Variants in XKR4 observed in about 807,000 individuals in gnomAD.
The protein encoded by XKR4 is XK-related protein 4.
Under a neutral mutation model 53.9 loss-of-function variants are expected in XKR4, and 12 were observed. That is an observed-to-expected ratio of 0.22 (90% CI 0.14 to 0.36). The LOEUF is 0.36. XKR4 is among the 10% of genes least tolerant of loss of function. The pLI is 1.00. For synonymous variants in XKR4, 354 were observed against 362.4 expected, an observed-to-expected ratio of 0.98 and a Z score of 0.26; for missense variants, 799 against 859.5, an observed-to-expected ratio of 0.93 and a Z score of 0.88.
Position 55,337,167 on chromosome 8 carries a change from G to T in XKR4, c.807-20511G>T, listed in dbSNP as rs897160057. ...GAAACAGCAGATGGGGAGCCAATTT[G>T]GTCTCATCACTAAAAAGGGCCCTAG... On this transcript the variant is annotated intron_variant, in intron 1 of 2. Transcript: ENST00000327381. Among the ~76,000 whole-genome samples the T allele has an allele frequency of 5.3e-5, 8 of 152,122 alleles. No individual in the cohort carries two copies. In the East Asian group the frequency reaches 1.4e-3, roughly 26 times the overall value.
chr8:55,217,738 T>TTAGATAGATAGATAGA (rs71256520), intron 1 of XKR4, among the ~76,000 whole-genome samples: 4 of 149,362 alleles, frequency 2.7e-5, no homozygotes, highest in East Asian at 2.0e-4. Flanking sequence ...GGAAGACAGA[T>TTAGATAGATAGATAGA]TAGATAGATA....
intron 2 of XKR4, among the ~76,000 whole-genome samples, chr8:55,408,057 A>G (rs1041528004): frequency 6.6e-6 from 1 of 152,216 alleles, no homozygotes; most frequent in African/African-American, 2.4e-5. Flanking sequence ...GTGGAGCGAC[A>G]TCCCAGTGCT....
In XKR4 at chr8:55,434,350, T is replaced by C. The variant is rs148056227; in HGVS notation, c.1006+76473T>C. 9.6e-3 allele frequency among the ~76,000 whole-genome samples: 1,469 copies of C among 152,278 alleles called. 24 individuals carry two copies. Among genetic ancestry groups the C allele is most frequent in the African/African-American group, 0.032 (1,348 of 41,550 alleles). On this transcript the variant is annotated intron_variant, in intron 2 of 2. Coordinates refer to ENST00000327381, the MANE Select transcript of XKR4 (RefSeq NM_052898.2). ...TAAATTCAACATTGAAAATATTTTA[T>C]GTAAAAATTTAATATGAGTTTGAAA... is the stretch of plus-strand genomic sequence containing the variant.
intron 1 of XKR4, among the ~76,000 whole-genome samples, chr8:55,292,785 C>T (rs1043798723): frequency 1.3e-5 from 2 of 152,118 alleles, no homozygotes; most frequent in Non-Finnish European, 2.9e-5. Context: ...TAATTTTCCT[C>T]TCAGTACTGT....
intron 2 of XKR4, among the ~76,000 whole-genome samples, chr8:55,437,931 T>C (rs536042200): frequency 6.9e-6 from 1 of 145,784 alleles, no homozygotes; most frequent in Non-Finnish European, 1.5e-5. Context: ...TTAGGGCCTG[T>C]GCAGGTCCTC....
intron 2 of XKR4, among the ~76,000 whole-genome samples, chr8:55,422,508 T>C (rs1804949505): frequency 6.6e-6 from 1 of 152,150 alleles, no homozygotes; most frequent in African/African-American, 2.4e-5. Context: ...GCTGCGGAAG[T>C]ATATTCGAGA....
At chr8:55,201,507 A>G (rs1028796405) in intron 1 of XKR4, among the ~76,000 whole-genome samples, 3 of 152,218 alleles carry the variant, frequency 2.0e-5, no homozygotes, top group African/African-American at 4.8e-5. Flanking sequence ...ATTGAGACCC[A>G]GAGAATGTCT....
chr8:55,290,391 A>T (rs2129375407), intron 1 of XKR4, among the ~76,000 whole-genome samples: 1 of 152,232 alleles, frequency 6.6e-6, no homozygotes, highest in Admixed American at 6.5e-5. Context: ...TGGCCTCCCA[A>T]AGTGCTGGGA....
At chr8:55,310,481 T>C in intron 1 of XKR4, among the ~76,000 whole-genome samples, 1 of 152,224 alleles carries the variant, frequency 6.6e-6, no homozygotes, top group East Asian at 1.9e-4. Flanking sequence ...TTAGCTTATT[T>C]CTGTTTACTA....
At chr8:55,522,250 C>A (rs932018648) in intron 2 of XKR4, among the ~76,000 whole-genome samples, 1 of 152,028 alleles carries the variant, frequency 6.6e-6, no homozygotes, top group South Asian at 2.1e-4. Context: ...GGAATACCAA[C>A]CAAATGGGAC....
intron 1 of XKR4, among the ~76,000 whole-genome samples, chr8:55,258,390 A>G (rs1450401368): frequency 6.6e-6 from 1 of 152,224 alleles, no homozygotes; most frequent in African/African-American, 2.4e-5. Flanking sequence ...GGGTTCATCT[A>G]TAAATTGCTG....
At chr8:55,258,861 G>A (rs1433236800) in intron 1 of XKR4, among the ~76,000 whole-genome samples, 1 of 152,178 alleles carries the variant, frequency 6.6e-6, no homozygotes, top group Non-Finnish European at 1.5e-5. Flanking sequence ...AAGAGAATGT[G>A]CAGCCACCGG....
chr8:55,371,028 G>A (rs1268061356), intron 2 of XKR4, among the ~76,000 whole-genome samples: 2 of 151,006 alleles, frequency 1.3e-5, no homozygotes, highest in Admixed American at 6.6e-5. Flanking sequence ...TCAATGTGCT[G>A]TGTCCTAGTG....
At chr8:55,425,637 C>A (rs1805001063) in intron 2 of XKR4, among the ~76,000 whole-genome samples, 1 of 152,170 alleles carries the variant, frequency 6.6e-6, no homozygotes, top group Admixed American at 6.5e-5. Flanking sequence ...TTGGAGTTAG[C>A]CCCTCCGTTA....
chr8:55,302,791 T>G (rs1819223330), intron 1 of XKR4, among the ~76,000 whole-genome samples: 1 of 152,210 alleles, frequency 6.6e-6, no homozygotes, highest in African/African-American at 2.4e-5. Context: ...GATTTGGCTC[T>G]CTGTTTGTCT....
At chr8:55,190,643 G>C (rs754409162) in intron 1 of XKR4, among the ~76,000 whole-genome samples, 9 of 152,124 alleles carry the variant, frequency 5.9e-5, no homozygotes, top group Non-Finnish European at 1.3e-4. Flanking sequence ...ATAAAAATAA[G>C]GGAATAAAAA....
chr8:55,151,607 TA>T (rs752735365), intron 1 of XKR4, among the ~76,000 whole-genome samples: 60 of 152,298 alleles, frequency 3.9e-4, no homozygotes, highest in Middle Eastern at 6.8e-3. Flanking sequence ...TTTATAAGTA[TA>T]AAAGTAATAC....
chr8:55,325,683 A>G (rs942755669), intron 1 of XKR4, among the ~76,000 whole-genome samples: 2 of 152,204 alleles, frequency 1.3e-5, no homozygotes, highest in Non-Finnish European at 2.9e-5. Flanking sequence ...AGAAGATTCA[A>G]GAAGAGGTGA....
chr8:55,493,823 G>A (rs1208136335), intron 2 of XKR4, among the ~76,000 whole-genome samples: 1 of 152,178 alleles, frequency 6.6e-6, no homozygotes, highest in Admixed American at 6.5e-5. Flanking sequence ...TTTCAGGAAT[G>A]GATAAAACAA....
Sources: allele counts gnomAD v4.1 joint callset (sites outside exome capture counted in the v4.1 genomes callset), GRCh38; gene constraint gnomAD v4.1.1; transcripts MANE v1.5; gene names NCBI Gene and HGNC (gene_info 2026-07-23, HGNC 2026-07-21).